XRCC4: variants seen among roughly 807,000 people sequenced by gnomAD.
XRCC4 encodes the protein DNA repair protein XRCC4.
In XRCC4, 28 loss-of-function variants were observed where a neutral mutation model predicts 39.1. The ratio of observed to expected loss-of-function variants is 0.72; its 90% confidence interval spans 0.53 to 0.98. The LOEUF (loss-of-function observed/expected upper bound fraction) is 0.98, where lower values mean the gene tolerates loss of function less well. XRCC4 is among the 50% of genes least tolerant of loss of function. The pLI is 0.00. For missense variants in XRCC4, 350 were observed against 376.4 expected (o/e 0.93, Z 0.58); for synonymous variants, 123 against 126.4 (o/e 0.97, Z 0.18).
intron 3 of XRCC4, among the ~76,000 whole-genome samples, chr5:83,119,893 C>T (rs1746915350): frequency 6.6e-6 from 1 of 150,954 alleles, no homozygotes; most frequent in Non-Finnish European, 1.5e-5. Context: ...GGGAGAATAA[C>T]TTTAGCTGGG....
At position 83,263,922 on chromosome 5, in the gene XRCC4, T is replaced by C. The variant is rs979199647; in HGVS notation, c.893+5245T>C. Among the ~76,000 whole-genome samples, 8 of 152,132 alleles carry C rather than the reference T, an allele frequency of 5.3e-5. No homozygotes were observed. In the East Asian group the frequency reaches 7.8e-4, roughly 15 times the overall value. On this transcript the variant is annotated intron_variant, in intron 7 of 7. Coordinates refer to ENST00000396027, the MANE Select transcript of XRCC4 (RefSeq NM_003401.5). ...GTTTTAGACATGAAGTCCTTGCCCA[T>C]GCCTATGTCCTGAATGGTAATGCCT...
At chr5:83,140,773 A>G (rs1748131477) in intron 3 of XRCC4, among the ~76,000 whole-genome samples, 1 of 151,810 alleles carries the variant, frequency 6.6e-6, no homozygotes, top group South Asian at 2.1e-4. Context: ...TCTCAATTTC[A>G]TTTTGGATTC....
chr5:83,309,296 A>AATATATATAT (rs1225850304), intron 7 of XRCC4, among the ~76,000 whole-genome samples: 129 of 72,188 alleles, frequency 1.8e-3, no homozygotes, highest in African/African-American at 4.9e-3. Flanking sequence ...AAAAAAAAAA[A>AATATATATAT]ATATATATAT....
At chr5:83,246,606 A>G (rs139525086) in intron 6 of XRCC4, among the ~76,000 whole-genome samples, 118 of 152,202 alleles carry the variant, frequency 7.8e-4, no homozygotes, top group African/African-American at 2.7e-3. Flanking sequence ...ATGATGAATC[A>G]TTTTTCTAAA....
At chr5:83,348,539 T>A (rs1406192343) in intron 7 of XRCC4, among the ~76,000 whole-genome samples, 1 of 152,222 alleles carries the variant, frequency 6.6e-6, no homozygotes, top group Non-Finnish European at 1.5e-5. Flanking sequence ...GGGTGCCATG[T>A]CCCAAGACTG....
intron 1 of XRCC4, among the ~76,000 whole-genome samples, chr5:83,080,653 C>T (rs1043354043): frequency 5.9e-5 from 9 of 152,102 alleles, no homozygotes; most frequent in African/African-American, 1.9e-4. Context: ...CCTTGTTTAG[C>T]GTATCCCTGC....
intron 7 of XRCC4, among the ~76,000 whole-genome samples, chr5:83,332,846 G>A (rs1049729812): frequency 6.6e-5 from 10 of 152,142 alleles, no homozygotes; most frequent in Admixed American, 5.9e-4. Flanking sequence ...AGAGGCCATT[G>A]GTGAAGAGCA....
chr5:83,293,512 T>G (rs1386021997), intron 7 of XRCC4, among the ~76,000 whole-genome samples: 5 of 152,028 alleles, frequency 3.3e-5, no homozygotes, highest in Non-Finnish European at 5.9e-5. Flanking sequence ...TTTTATAATT[T>G]AACCCATCAA....
At chr5:83,159,339 TAAG>T (rs1449535100) in intron 3 of XRCC4, among the ~76,000 whole-genome samples, 3 of 152,098 alleles carry the variant, frequency 2.0e-5, no homozygotes, top group Non-Finnish European at 1.5e-5. Context: ...ATGGAGAACA[TAAG>T]AAAGTTTGGG....
intron 3 of XRCC4, among the ~76,000 whole-genome samples, chr5:83,174,013 T>C (rs1427112535): frequency 1.3e-5 from 2 of 152,196 alleles, no homozygotes; most frequent in East Asian, 3.9e-4. Context: ...TCTAAAAACT[T>C]ACCATGAACT....
chr5:83,186,848 T>C (rs895777059), intron 3 of XRCC4, among the ~76,000 whole-genome samples: 1 of 152,206 alleles, frequency 6.6e-6, no homozygotes, highest in Non-Finnish European at 1.5e-5. Flanking sequence ...TCAGTAGGGC[T>C]GTGTTCTGGA....
rs1171005770 is a variant in XRCC4, at chr5:83,104,783, A to G, written c.-10-127A>G. On this transcript the variant is annotated intron_variant, in intron 1 of 7. Transcript: ENST00000396027. ...GTTGAATCTAATGGTTGAACCTATT[A>G]TACAGTTTTTTTGTTTTGCTTATTT... is the stretch of plus-strand genomic sequence containing the variant. 4 of 722,608 alleles carry G rather than the reference A, an allele frequency of 5.5e-6. No homozygotes were observed. The Admixed American group carries it at 1.2e-4, about 22-fold the overall frequency. The allele number at this position is 722,608 out of a possible 1,614,324, so 44.8% of individuals were successfully genotyped here. A position where few individuals can be genotyped will look rare whatever the true frequency, so the allele number is the denominator to read the frequency against.
chr5:83,294,996 C>G (rs566772489), intron 7 of XRCC4, among the ~76,000 whole-genome samples: 1 of 152,036 alleles, frequency 6.6e-6, no homozygotes, highest in South Asian at 2.1e-4. Context: ...AGCATCATAT[C>G]TCAAAGTTTT....
chr5:83,250,201 A>G (rs1009628563), intron 6 of XRCC4, among the ~76,000 whole-genome samples: 8 of 152,180 alleles, frequency 5.3e-5, no homozygotes, highest in Non-Finnish European at 1.0e-4. Context: ...TTAACCATTT[A>G]AAGTGCTCTC....
At chr5:83,141,843 CA>C (rs11284035) in intron 3 of XRCC4, among the ~76,000 whole-genome samples, 59,905 of 137,432 alleles carry the variant, frequency 0.44, 12,157 homozygotes, top group South Asian at 0.51. Flanking sequence ...GAATCTTGTA[CA>C]AAAAAAAAAA....
chr5:83,176,616 T>C (rs1247658222), intron 3 of XRCC4, among the ~76,000 whole-genome samples: 1 of 149,104 alleles, frequency 6.7e-6, no homozygotes, highest in Non-Finnish European at 1.5e-5. Context: ...AATAGGCATA[T>C]AAAGTATTGG....
intron 7 of XRCC4, among the ~76,000 whole-genome samples, chr5:83,294,067 A>G (rs890865893): frequency 1.3e-5 from 2 of 151,784 alleles, no homozygotes; most frequent in African/African-American, 4.8e-5. Flanking sequence ...TCTTTTAATC[A>G]TAAATAGGTA....
intron 3 of XRCC4, among the ~76,000 whole-genome samples, chr5:83,154,338 A>G (rs1580301407): frequency 6.6e-6 from 1 of 152,318 alleles, no homozygotes; most frequent in Admixed American, 6.5e-5. Context: ...AATATTTGAA[A>G]TGCTTTAAAA....
intron 3 of XRCC4, among the ~76,000 whole-genome samples, chr5:83,147,904 T>C (rs1031901): frequency 0.56 from 85,290 of 151,490 alleles, 24,841 homozygotes; most frequent in African/African-American, 0.71. Flanking sequence ...GATTCTCGTG[T>C]CTCGGCCTCC....
Sources: gnomAD v4.1 joint callset for allele counts (sites outside exome capture counted in the v4.1 genomes callset) on GRCh38, gnomAD v4.1.1 for gene constraint, MANE v1.5 for transcripts, NCBI Gene and HGNC (gene_info 2026-07-23, HGNC 2026-07-21) for gene names.